The following EEF1E1 variants were observed in gnomAD, a reference collection of about 807,000 sequenced individuals.
EEF1E1 encodes eukaryotic translation elongation factor 1 epsilon 1, also known as eukaryotic translation elongation factor 1 epsilon-1.
In EEF1E1, 19 loss-of-function variants were observed where a neutral mutation model predicts 19.9. The ratio of observed to expected loss-of-function variants is 0.95; its 90% CI spans 0.66 to 1.40. EEF1E1 has a LOEUF of 1.40. Among genes scored for constraint, EEF1E1 ranks in the 40% most tolerant of loss-of-function variants. The probability of loss-of-function intolerance (pLI) is 0.00; values close to 1 mark genes in which losing one functional copy is unlikely to be tolerated. For synonymous variants in EEF1E1, 81 were observed against 80.0 expected, an observed-to-expected ratio of 1.01 and a Z score of -0.07; for missense variants, 198 against 202.2, an observed-to-expected ratio of 0.98 and a Z score of 0.13.
chr6:8,077,006 C>G (rs1219441617), downstream of EEF1E1, among the ~76,000 whole-genome samples: 13 of 133,064 alleles, frequency 9.8e-5, no homozygotes, highest in South Asian at 4.7e-4. Context: ...GCAGTGGCAG[C>G]GATCTCGGCT....
chr6:8,074,537 C>T (rs968312016), downstream of EEF1E1, among the ~76,000 whole-genome samples: 2 of 152,158 alleles, frequency 1.3e-5, no homozygotes, highest in Non-Finnish European at 2.9e-5. Flanking sequence ...GATGCCAGTG[C>T]CAGAATCAGG....
At chr6:8,087,257 G>A (rs971713832) in intron 3 of EEF1E1, among the ~76,000 whole-genome samples, 2 of 152,150 alleles carry the variant, frequency 1.3e-5, no homozygotes, top group South Asian at 2.1e-4. Context: ...CACTCTTGTC[G>A]CCCAAGCTGG....
At chr6:8,090,053 C>A in intron 3 of EEF1E1, 133 bp downstream of exon 3, 1 of 591,964 alleles carries the variant, frequency 1.7e-6, no homozygotes, top group Non-Finnish European at 2.7e-6. Flanking sequence ...ACAAAAGGCA[C>A]CTTGTATAAA....
At chr6:8,101,964 AGAG>A in intron 1 of EEF1E1, 5 of 1,246,688 alleles carry the variant, frequency 4.0e-6, no homozygotes, top group Non-Finnish European at 5.2e-6. Flanking sequence ...AAGCTGCCTG[AGAG>A]GAGGAAGCAT....
intron 1 of EEF1E1, among the ~76,000 whole-genome samples, chr6:8,098,426 A>G (rs923802389): frequency 2.0e-5 from 3 of 152,114 alleles, no homozygotes; most frequent in Non-Finnish European, 4.4e-5. Context: ...CCGAAATACT[A>G]TCTTGTTCTC....
Position 8,079,418 on chromosome 6 carries a change from G to C in EEF1E1, c.*472C>G. The C allele has an allele frequency of 1.0e-6, 1 of 988,562 alleles. No homozygotes were observed. Among genetic ancestry groups the C allele is most frequent in the Non-Finnish European group, 1.2e-6 (1 of 831,540 alleles). The allele number at this position is 988,562 out of a possible 1,614,324, so 61.2% of individuals were successfully genotyped here. A position where few individuals can be genotyped will look rare whatever the true frequency, so the allele number is the denominator to read the frequency against. ...AATATTTTTTCAACCACATTTACTA[G>C]CTCACATAAATATTTTAAAACAAAT... On this transcript the variant is annotated 3_prime_UTR_variant, in exon 4 of 4. Transcript: ENST00000379715.
intron 1 of EEF1E1, among the ~76,000 whole-genome samples, chr6:8,099,764 A>T (rs1758277751): frequency 1.1e-5 from 1 of 87,040 alleles, no homozygotes; most frequent in Non-Finnish European, 2.3e-5. Flanking sequence ...ACACACACAC[A>T]CACACACACA....
intron 2 of EEF1E1, among the ~76,000 whole-genome samples, chr6:8,091,806 T>A (rs1277255835): frequency 6.6e-6 from 1 of 152,220 alleles, no homozygotes; most frequent in Non-Finnish European, 1.5e-5. Context: ...TAAAAAACTG[T>A]CCAGTGATGA....
chr6:8,089,271 T>A (rs573516668), intron 3 of EEF1E1, among the ~76,000 whole-genome samples: 1 of 152,166 alleles, frequency 6.6e-6, no homozygotes, highest in South Asian at 2.1e-4. Context: ...AATTAGACAC[T>A]AAGAGATCAA....
chr6:8,090,124 A>G, intron 3 of EEF1E1, 62 bp downstream of exon 3: 1 of 1,359,364 alleles, frequency 7.4e-7, no homozygotes, highest in Non-Finnish European at 9.9e-7. Context: ...AATTCAAGAC[A>G]AAGTTTTAAA....
rs1293444078 is a variant in EEF1E1, at chr6:8,101,225, C to A, written c.87+1210G>T. 8.7e-3 allele frequency among the ~76,000 whole-genome samples: 27 copies of A among 3,112 alleles called. 2 individuals are homozygous for A. The highest frequency in any genetic ancestry group is 0.04 in the African/African-American group (22 of 556). The allele number at this position is 3,112 out of a possible 152,430, so 2.0% of individuals were successfully genotyped here. On this transcript the variant is annotated intron_variant, in intron 1 of 3. Coordinates refer to ENST00000379715, the MANE Select transcript of EEF1E1 (RefSeq NM_004280.5). ...TGGGCGACACAGTGAGACTTTGTCTCAAAAAAAAAAAAAAAAAAATATATA... is the reference window on the plus strand; with the variant it reads ...TGGGCGACACAGTGAGACTTTGTCTAAAAAAAAAAAAAAAAAAAATATATA...
At chr6:8,081,459 G>T (rs1030079106) in intron 3 of EEF1E1, among the ~76,000 whole-genome samples, 3 of 152,268 alleles carry the variant, frequency 2.0e-5, no homozygotes, top group Admixed American at 6.5e-5. Flanking sequence ...ATTACATTAG[G>T]CTAACTGGTA....
chr6:8,082,101 A>G (rs1462470487), intron 3 of EEF1E1, among the ~76,000 whole-genome samples: 1 of 152,234 alleles, frequency 6.6e-6, no homozygotes, highest in African/African-American at 2.4e-5. Flanking sequence ...TTACAGGCCT[A>G]TTATTTAAAG....
At chr6:8,092,758 T>A (rs912919713) in intron 2 of EEF1E1, among the ~76,000 whole-genome samples, 3 of 152,112 alleles carry the variant, frequency 2.0e-5, no homozygotes, top group Middle Eastern at 3.4e-3. Flanking sequence ...AATAAATACA[T>A]CTTCATTTAA....
In EEF1E1 at chr6:8,102,426, C is replaced by T; in HGVS notation, c.87+9G>A. ...ACCTCTTCCCCTCCGCGCCGCCTCTCCTTCTCACCTGTCGCTCGCCCTGAG... is the reference window on the plus strand; with the variant it reads ...ACCTCTTCCCCTCCGCGCCGCCTCTTCTTCTCACCTGTCGCTCGCCCTGAG... On this transcript the variant is annotated intron_variant, in intron 1 of 3. Transcript: ENST00000379715. The T allele has an allele frequency of 1.2e-5, 20 of 1,609,522 alleles. No individual in the cohort carries two copies. Among genetic ancestry groups the T allele is most frequent in the Non-Finnish European group, 1.7e-5 (20 of 1,178,874 alleles).
At chr6:8,095,404 G>A (rs1219736184) in intron 2 of EEF1E1, 6 of 399,338 alleles carry the variant, frequency 1.5e-5, no homozygotes, top group Non-Finnish European at 2.5e-5. Context: ...TCGGGAGGCT[G>A]AGGCACGAGA....
At chr6:8,077,039 G>C (rs144319895), downstream of EEF1E1, among the ~76,000 whole-genome samples, 11,587 of 150,650 alleles carry the variant, frequency 0.077, 600 homozygotes, top group Non-Finnish European at 0.11. Flanking sequence ...CGCCTCCCGG[G>C]TTCACGCCAT....
chr6:8,084,858 A>G (rs1757808236), intron 3 of EEF1E1, among the ~76,000 whole-genome samples: 2 of 152,218 alleles, frequency 1.3e-5, no homozygotes, highest in Admixed American at 6.5e-5. Flanking sequence ...GACTGTGTTT[A>G]GGCTGCCACC....
chr6:8,087,303 T>C (rs983010580), intron 3 of EEF1E1, among the ~76,000 whole-genome samples: 3 of 152,154 alleles, frequency 2.0e-5, no homozygotes, highest in Non-Finnish European at 2.9e-5. Flanking sequence ...GGGCAACCTC[T>C]TCCTCCTGGG....
Sources: gnomAD v4.1 joint callset for allele counts (sites outside exome capture counted in the v4.1 genomes callset) on GRCh38, gnomAD v4.1.1 for gene constraint, MANE v1.5 for transcripts, NCBI Gene and HGNC (gene_info 2026-07-23, HGNC 2026-07-21) for gene names.